Variants in CDK8 observed in about 807,000 individuals in gnomAD.
CDK8 encodes cyclin-dependent kinase 8.
In CDK8, 29 loss-of-function variants were observed where a neutral mutation model predicts 71.5. That is an observed-to-expected ratio of 0.41 (90% CI 0.30 to 0.55). The LOEUF (loss-of-function observed/expected upper bound fraction) is 0.55. Ranked by LOEUF, CDK8 falls within the 20% of genes least tolerant of loss-of-function variation. The pLI, the probability that CDK8 is intolerant of heterozygous loss-of-function variation, is 0.37. For synonymous variants in CDK8, 161 were observed against 192.1 expected (o/e 0.84, Z 1.34); for missense variants, 288 against 572.6 (o/e 0.50, Z 5.07).
intron 1 of CDK8, among the ~76,000 whole-genome samples, chr13:26,333,106 C>G (rs940207678): frequency 6.6e-5 from 10 of 151,958 alleles, no homozygotes; most frequent in African/African-American, 2.4e-4. Flanking sequence ...TTAGGACTAC[C>G]CTGAACACAT....
chr13:26,346,793 AATT>A (rs1278330658), intron 2 of CDK8, among the ~76,000 whole-genome samples: 2 of 152,282 alleles, frequency 1.3e-5, no homozygotes, highest in Non-Finnish European at 1.5e-5. Context: ...TGAATAAAAT[AATT>A]ATCACACCAG....
rs2137842215 is a variant in CDK8, at chr13:26,254,590, C to A, written c.-52C>A. ...GCTGCCCGTGCTTCCCCGGTCCCCA[C>A]CCCTGCCCCCCGGCCCCCCGACCCA... is the stretch of plus-strand genomic sequence containing the variant. On this transcript the variant is annotated 5_prime_UTR_variant, in exon 1 of 13. Coordinates refer to ENST00000381527, the MANE Select transcript of CDK8 (RefSeq NM_001260.3). The surrounding 1 kb of genome is among the most constrained non-coding windows in gnomAD (Gnocchi z 6.7). 5 of 1,177,770 alleles carry A rather than the reference C, an allele frequency of 4.2e-6. No individual in the cohort carries two copies. Among genetic ancestry groups the A allele is most frequent in the Non-Finnish European group, 6.0e-6 (5 of 827,212 alleles). The allele number at this position is 1,177,770 out of a possible 1,614,324, so 73.0% of individuals were successfully genotyped here.
At chr13:26,393,712 C>T (rs943682) in intron 7 of CDK8, among the ~76,000 whole-genome samples, 127,003 of 152,142 alleles carry the variant, frequency 0.83, 54,699 homozygotes, top group East Asian at 0.99. Context: ...TTATGGGTTT[C>T]CTGAATTTCA....
chr13:26,284,326 CA>C (rs1872899784), intron 1 of CDK8, among the ~76,000 whole-genome samples: 1 of 149,110 alleles, frequency 6.7e-6, no homozygotes, highest in African/African-American at 2.6e-5. Flanking sequence ...AACAGATAAA[CA>C]AAAACAAAAG....
rs2137842886 is a variant in CDK8, at chr13:26,254,794, G to A, written c.128+25G>A. 6.2e-7 allele frequency: 1 copy of A among 1,607,930 alleles called. No homozygotes were observed. The highest frequency in any genetic ancestry group is 8.5e-7 in the Non-Finnish European group (1 of 1,176,594). The stretch of plus-strand genomic sequence containing the variant: ...GGTGAGTGTGTGTGTCTGGGCCGGT[G>A]TCCGCGCTGGGCGGCGCTCCCGCAG... On this transcript the variant is annotated intron_variant, in intron 1 of 12. Transcript: ENST00000381527. This position sits in a 1 kb window ranked among gnomAD's most constrained non-coding sequence, Gnocchi z 6.7.
intron 1 of CDK8, among the ~76,000 whole-genome samples, chr13:26,287,490 G>A (rs1016900423): frequency 7.2e-5 from 11 of 152,166 alleles, no homozygotes; most frequent in Non-Finnish European, 1.5e-4. Context: ...AACATCATAT[G>A]TTTTCACTTA....
chr13:26,349,364 T>A (rs1258460018), intron 3 of CDK8, among the ~76,000 whole-genome samples, 182 bp downstream of exon 3: 1 of 152,238 alleles, frequency 6.6e-6, no homozygotes, highest in African/African-American at 2.4e-5. Context: ...CTTTTCAATA[T>A]TGTCACTTTG....
rs114831779 is a variant in CDK8 at position 26,295,848 on chromosome 13, G to T, written c.128+41079G>T. On this transcript the variant is annotated intron_variant, in intron 1 of 12. Transcript: ENST00000381527. ...GACTGTATGAGGTCTCAATGGTCAGGTAACAGGCTGGGGGTGGGGAGAAGA... is the reference window on the plus strand; with the variant it reads ...GACTGTATGAGGTCTCAATGGTCAGTTAACAGGCTGGGGGTGGGGAGAAGA... 4.7e-3 allele frequency among the ~76,000 whole-genome samples: 710 copies of T among 152,220 alleles called. 6 individuals carry two copies. Among genetic ancestry groups the T allele is most frequent in the African/African-American group, 0.016 (661 of 41,526 alleles).
At chr13:26,384,576 G>A (rs969187663) in intron 5 of CDK8, among the ~76,000 whole-genome samples, 1 of 152,178 alleles carries the variant, frequency 6.6e-6, no homozygotes, top group Non-Finnish European at 1.5e-5. Context: ...TCTAATCTCA[G>A]TTCTAGCTCT....
chr13:26,274,561 A>C (rs183864894), intron 1 of CDK8, among the ~76,000 whole-genome samples: 2 of 151,582 alleles, frequency 1.3e-5, no homozygotes, highest in East Asian at 3.9e-4. Flanking sequence ...CCTCCCGAGT[A>C]GCTGGGACTA....
intron 4 of CDK8, among the ~76,000 whole-genome samples, chr13:26,369,340 C>T (rs991736228): frequency 1.3e-5 from 2 of 148,522 alleles, no homozygotes; most frequent in African/African-American, 5.0e-5. Flanking sequence ...GTCTCAGCTA[C>T]TCAGGAGGCT....
chr13:26,259,094 T>C (rs1361128199), intron 1 of CDK8, among the ~76,000 whole-genome samples: 1 of 152,216 alleles, frequency 6.6e-6, no homozygotes, highest in African/African-American at 2.4e-5. Context: ...ATGCTGTATC[T>C]AAGTTCATTT....
chr13:26,378,350 A>C (rs1378518695), intron 4 of CDK8, among the ~76,000 whole-genome samples: 2 of 152,218 alleles, frequency 1.3e-5, no homozygotes, highest in African/African-American at 2.4e-5. Flanking sequence ...GCTGGAGAAC[A>C]GAAAGCTTCT....
At chr13:26,397,425 G>C (rs775481892) in intron 9 of CDK8, among the ~76,000 whole-genome samples, 200 bp downstream of exon 9, 2 of 152,098 alleles carry the variant, frequency 1.3e-5, no homozygotes, top group Non-Finnish European at 2.9e-5. Flanking sequence ...TGGTTTGACA[G>C]ACTAATGTTT....
At chr13:26,349,662 A>G (rs1873605910) in intron 3 of CDK8, among the ~76,000 whole-genome samples, 1 of 152,148 alleles carries the variant, frequency 6.6e-6, no homozygotes, top group African/African-American at 2.4e-5. Context: ...AATGGCTTTG[A>G]AGCTGTAGTT....
intron 4 of CDK8, among the ~76,000 whole-genome samples, chr13:26,357,492 C>G (rs1873943135): frequency 6.6e-6 from 1 of 152,168 alleles, no homozygotes; most frequent in African/African-American, 2.4e-5. Flanking sequence ...AGCTTTGCTC[C>G]TTCCCTTGAT....
intron 1 of CDK8, among the ~76,000 whole-genome samples, chr13:26,275,497 C>T (rs1284033633): frequency 6.6e-6 from 1 of 152,130 alleles, no homozygotes; most frequent in African/African-American, 2.4e-5. Flanking sequence ...GTGTTGTGCA[C>T]AAGTTTGTGC....
chr13:26,326,973 CAT>C (rs774763330), intron 1 of CDK8, among the ~76,000 whole-genome samples: 5 of 152,124 alleles, frequency 3.3e-5, no homozygotes, highest in Non-Finnish European at 7.4e-5. Context: ...GGGGATTAGA[CAT>C]ATTATGAATA....
rs58160694 is a variant in CDK8, at chr13:26,271,806, CTTTTTTTTTTTTTTTT to C, written c.128+17058_128+17073del. Among the ~76,000 whole-genome samples the C allele has an allele frequency of 4.0e-3, 248 of 62,666 alleles. 13 individuals carry two copies. Among genetic ancestry groups the C allele is most frequent in the East Asian group, 0.039 (74 of 1,890 alleles). 41.1% of individuals were successfully genotyped at this position (62,666 alleles called of 152,430 possible). On this transcript the variant is annotated intron_variant, in intron 1 of 12. Transcript: ENST00000381527. ...CCTGGGGGACAGAGTGAGACCCTGT[CTTTTTTTTTTTTTTTT>C]TTTTTTTTTTTTTTTTTTTTAAGAG...
Sources: gnomAD v4.1 joint callset for allele counts (sites outside exome capture counted in the v4.1 genomes callset) on GRCh38, gnomAD v4.1.1 for gene constraint, Gnocchi (gnomAD v3.1) non-coding constraint, MANE v1.5 for transcripts, NCBI Gene and HGNC (gene_info 2026-07-23, HGNC 2026-07-21) for gene names.